The following COX7A2 variants were observed in gnomAD, a reference collection of about 807,000 sequenced individuals.
The protein encoded by COX7A2 is cytochrome c oxidase subunit 7A2, mitochondrial.
In COX7A2, 11 loss-of-function variants were observed where a neutral mutation model predicts 11.6. That is an observed-to-expected ratio of 0.95 (90% CI 0.60 to 1.57). The LOEUF is 1.57. Among genes scored for constraint, COX7A2 ranks in the 40% most tolerant of loss-of-function variants. COX7A2 has a pLI of 0.00. For synonymous variants in COX7A2, 30 were observed against 38.2 expected (o/e 0.78, Z 0.79); for missense variants, 106 against 100.9 (o/e 1.05, Z -0.22).
intron 1 of COX7A2, among the ~76,000 whole-genome samples, chr6:75,241,602 G>A (rs1186729480): frequency 6.6e-6 from 1 of 152,130 alleles, no homozygotes; most frequent in African/African-American, 2.4e-5. Flanking sequence ...CAAAAATAGT[G>A]CTTAACCAAA....
chr6:75,243,721 A>C lies in COX7A2; in HGVS notation c.14T>G (p.Leu5Arg), dbSNP rs779853675. ...GCAAGATGAGAAGCTCCTCACCAGC[A>C]GATTCCGCAGCATCTTGGCTGTTAC... MLRN[L>R]LALRQIGQRT... is the part of the protein sequence containing the mutation. Residue 5 changes from leucine (L) to arginine (R), a missense_variant, in exon 1 of 4, where the codon CTG becomes CGG. Transcript: ENST00000684430. 1.8e-5 allele frequency: 29 copies of C among 1,613,658 alleles called. No individual in the cohort carries two copies. Among genetic ancestry groups the C allele is most frequent in the East Asian group, 2.2e-5 (1 of 44,882 alleles).
chr6:75,243,703 G>A lies in COX7A2; in HGVS notation c.18+14C>T, dbSNP rs1020500096. The A allele has an allele frequency of 6.2e-7, 1 of 1,611,836 alleles. No individual in the cohort carries two copies. The highest frequency in any genetic ancestry group is 1.7e-5 in the Admixed American group (1 of 59,992). On this transcript the variant is annotated intron_variant, in intron 1 of 3. Coordinates refer to ENST00000684430, the MANE Select transcript of COX7A2 (RefSeq NM_001366293.2). ...CTCGCCCCCATCATGAATGCAAGAT[G>A]AGAAGCTCCTCACCAGCAGATTCCG...
chr6:75,242,270 C>T (rs1479868477), intron 1 of COX7A2, among the ~76,000 whole-genome samples: 1 of 151,894 alleles, frequency 6.6e-6, no homozygotes, highest in Non-Finnish European at 1.5e-5. Flanking sequence ...TTTGGGAGGC[C>T]AAGGTGGGTG....
At chr6:75,243,663 C>T in intron 1 of COX7A2, 54 bp downstream of exon 1, 3 of 1,560,642 alleles carry the variant, frequency 1.9e-6, no homozygotes, top group South Asian at 1.1e-5. Context: ...GGTGCCTCAG[C>T]CTCCTCTCCA....
chr6:75,242,235 T>C (rs1205834140), intron 1 of COX7A2, among the ~76,000 whole-genome samples: 4 of 149,998 alleles, frequency 2.7e-5, no homozygotes, highest in Non-Finnish European at 1.5e-5. Context: ...CCAGGCGCGG[T>C]GGCTCACGCC....
intron 3 of COX7A2, among the ~76,000 whole-genome samples, chr6:75,239,154 C>T (rs1171840873): frequency 1.3e-5 from 2 of 152,130 alleles, no homozygotes; most frequent in Non-Finnish European, 2.9e-5. Flanking sequence ...GTTTCCCCAA[C>T]GAGGAGATTG....
rs372449200 is a variant in COX7A2 at position 75,241,223 on chromosome 6, G to T, written c.61C>A (p.Arg21Ser). The T allele has an allele frequency of 2.5e-6, 4 of 1,593,708 alleles. No homozygotes were observed. Among genetic ancestry groups the T allele is most frequent in the Non-Finnish European group, 3.4e-6 (4 of 1,164,942 alleles). Residue 21 changes from arginine to serine, a missense_variant, in exon 2 of 4, where the codon CGC becomes AGC. Transcript: ENST00000684430. ...GGAACTTTATTTTTAAAATGCCTGC[G>T]GGAAGCAGTGCTTATCGTCCTCTGC... ...IGQRTISTAS[R>S]RHFKNKVPEK...
chr6:75,240,777 G>T, intron 2 of COX7A2: 1 of 191,794 alleles, frequency 5.2e-6, no homozygotes, highest in Admixed American at 5.5e-5. Context: ...TAAAAAAGTG[G>T]GGAAGGGATT....
At chr6:75,243,631 C>A (rs1771594165) in intron 1 of COX7A2, 86 bp downstream of exon 1, 1 of 1,313,962 alleles carries the variant, frequency 7.6e-7, no homozygotes, top group South Asian at 1.2e-5. Context: ...GGCACCCCTC[C>A]CAGGTGAGGG....
chr6:75,243,908 CA>C, upstream of COX7A2: 2 of 1,293,948 alleles, frequency 1.5e-6, no homozygotes, highest in East Asian at 2.5e-5. Context: ...ACTAGAGCGG[CA>C]GTACGGCTCT....
At chr6:75,247,118 G>A (rs867908828), upstream of COX7A2, among the ~76,000 whole-genome samples, 5 of 152,164 alleles carry the variant, frequency 3.3e-5, no homozygotes, top group Non-Finnish European at 5.9e-5. Context: ...TTTAAGTCTC[G>A]TCAGTAAGAT....
At chr6:75,248,027 C>T (rs981443010), upstream of COX7A2, among the ~76,000 whole-genome samples, 3 of 151,856 alleles carry the variant, frequency 2.0e-5, no homozygotes, top group African/African-American at 4.9e-5. Context: ...GCTCTCTCTG[C>T]AGTCCGCTGA....
upstream of COX7A2, among the ~76,000 whole-genome samples, chr6:75,245,676 T>G (rs189496617): frequency 3.3e-5 from 5 of 152,340 alleles, no homozygotes; most frequent in East Asian, 7.7e-4. Flanking sequence ...GATTTCTTTA[T>G]ACTTGTCTCT....
chr6:75,239,654 C>T (rs1771428630), intron 3 of COX7A2, among the ~76,000 whole-genome samples: 1 of 152,140 alleles, frequency 6.6e-6, no homozygotes, highest in African/African-American at 2.4e-5. Flanking sequence ...TTTTATTTTG[C>T]ATCACAGTCA....
upstream of COX7A2, among the ~76,000 whole-genome samples, chr6:75,245,866 T>C (rs1178470599): frequency 6.6e-6 from 1 of 152,202 alleles, no homozygotes; most frequent in African/African-American, 2.4e-5. Context: ...CTTTTACTTT[T>C]TAATTTGGAG....
rs769367850 is a variant in COX7A2 at position 75,238,005 on chromosome 6, A to T, written c.194-17T>A. 4.0e-6 allele frequency: 6 copies of T among 1,500,532 alleles called. No individual in the cohort carries two copies. The highest frequency in any genetic ancestry group is 5.4e-6 in the Non-Finnish European group (6 of 1,113,866). The allele number at this position is 1,500,532 out of a possible 1,614,324, so 93.0% of individuals were successfully genotyped here. A position where few individuals can be genotyped will look rare whatever the true frequency, so the allele number is the denominator to read the frequency against. Reference sequence around the variant, plus strand: ...ATGCTGTTCCTAAAAATAAAAAACAAAAAAGAACTTAACCATAAATTCTAA... The same window carrying T: ...ATGCTGTTCCTAAAAATAAAAAACATAAAAGAACTTAACCATAAATTCTAA... On this transcript the variant is annotated splice_polypyrimidine_tract_variant and intron_variant, in intron 3 of 3. Transcript: ENST00000684430.
At chr6:75,246,694 A>G (rs752420689), upstream of COX7A2, among the ~76,000 whole-genome samples, 2 of 152,218 alleles carry the variant, frequency 1.3e-5, no homozygotes, top group East Asian at 1.9e-4. Flanking sequence ...TGGACTATTG[A>G]GTATAAAAAT....
At chr6:75,242,561 C>T (rs1484068659) in intron 1 of COX7A2, among the ~76,000 whole-genome samples, 1 of 151,560 alleles carries the variant, frequency 6.6e-6, no homozygotes, top group African/African-American at 2.4e-5. Flanking sequence ...GTGGCTTATG[C>T]CAGTAATCCC....
Position 75,243,748 on chromosome 6 carries a change from G to T in COX7A2, c.-14C>A. On this transcript the variant is annotated 5_prime_UTR_variant, in exon 1 of 4. Transcript: ENST00000684430. ...ATTCCGCAGCATCTTGGCTGTTACT[G>T]ACCAGCAACCGCCACAACTGAACAC... is the stretch of plus-strand genomic sequence containing the variant. 6.2e-7 allele frequency: 1 copy of T among 1,613,858 alleles called. No homozygotes were observed. Among genetic ancestry groups the T allele is most frequent in the South Asian group, 1.1e-5 (1 of 91,048 alleles).
Sources: gnomAD v4.1 joint callset for allele counts (sites outside exome capture counted in the v4.1 genomes callset) on GRCh38, gnomAD v4.1.1 for gene constraint, MANE v1.5 for transcripts, NCBI Gene and HGNC (gene_info 2026-07-23, HGNC 2026-07-21) for gene names.